BICD1: variants seen among roughly 807,000 people sequenced by gnomAD.
BICD1 encodes protein bicaudal D homolog 1.
In BICD1, 35 loss-of-function variants were observed where a neutral mutation model predicts 92.5. The observed-to-expected ratio is 0.38, with a 90% CI of 0.29 to 0.50. The LOEUF is 0.50. Ranked by LOEUF, BICD1 falls within the 20% of genes least tolerant of loss-of-function variation. The pLI is 0.93. For synonymous variants in BICD1, 429 were observed against 465.1 expected (o/e 0.92, Z 1.00); for missense variants, 950 against 1,189.8 (o/e 0.80, Z 2.97).
At chr12:32,124,651 G>C (rs1387929102) in intron 1 of BICD1, among the ~76,000 whole-genome samples, 1 of 152,192 alleles carries the variant, frequency 6.6e-6, no homozygotes, top group Admixed American at 6.6e-5. Flanking sequence ...GTAATCTCCT[G>C]ATCAGGCAAC....
At chr12:32,281,507 G>A (rs953932112) in intron 2 of BICD1, among the ~76,000 whole-genome samples, 1 of 152,072 alleles carries the variant, frequency 6.6e-6, no homozygotes, top group Non-Finnish European at 1.5e-5. Context: ...CTCATTAATT[G>A]TAACCAACCC....
chr12:32,204,533 G>A (rs34440002), intron 1 of BICD1, among the ~76,000 whole-genome samples: 50,089 of 151,892 alleles, frequency 0.33, 8,761 homozygotes, highest in Admixed American at 0.48. Context: ...GGAATCCTTA[G>A]ACACTGCTGG....
At position 32,214,166 on chromosome 12, in the gene BICD1, A is replaced by G. The variant is rs547005707; in HGVS notation, c.214-2081A>G. On this transcript the variant is annotated intron_variant, in intron 1 of 9. Coordinates refer to ENST00000652176, the MANE Select transcript of BICD1 (RefSeq NM_001714.4). ...TGTCTCCTTTTGACATATCCTCATT[A>G]TCTTTTAAATGCATGTTGTAACTCT... 2.0e-5 allele frequency among the ~76,000 whole-genome samples: 3 copies of G among 152,274 alleles called. No homozygotes were observed. The East Asian group carries it at 5.8e-4, about 29-fold the overall frequency.
rs531198793 is a variant in BICD1 at position 32,364,695 on chromosome 12, A to T, written c.2765-2975A>T. Among the ~76,000 whole-genome samples, 4 of 152,342 alleles carry T rather than the reference A, an allele frequency of 2.6e-5. No homozygotes were observed. In the East Asian group the frequency reaches 7.7e-4, roughly 29 times the overall value. ...GCTAGGAGCAGTGGCTCACACCTACAATCCCCACATCTTGGGAGGCCGAGG... is the reference window on the plus strand; with the variant it reads ...GCTAGGAGCAGTGGCTCACACCTACTATCCCCACATCTTGGGAGGCCGAGG... On this transcript the variant is annotated intron_variant, in intron 8 of 9. Coordinates refer to ENST00000652176, the MANE Select transcript of BICD1 (RefSeq NM_001714.4).
At chr12:32,369,403 C>T (rs1332197463) in intron 9 of BICD1, among the ~76,000 whole-genome samples, 1 of 152,264 alleles carries the variant, frequency 6.6e-6, no homozygotes, top group Non-Finnish European at 1.5e-5. Flanking sequence ...TGAGCAGGGG[C>T]AGGCCCAAAC....
At chr12:32,314,364 C>T (rs558912805) in intron 4 of BICD1, among the ~76,000 whole-genome samples, 42 of 35,706 alleles carry the variant, frequency 1.2e-3, no homozygotes, top group Middle Eastern at 0.011. Context: ...GAAAACAAAT[C>T]GAGTGTACCA....
At position 32,358,549 on chromosome 12, in the gene BICD1, C is replaced by T. The variant is rs564850533; in HGVS notation, c.2765-9121C>T. ...GTCAAGAGATGGAGACCATCCTGGC[C>T]AACATGGCGAAACCCCGTCTCTACT... On this transcript the variant is annotated intron_variant, in intron 8 of 9. Coordinates refer to ENST00000652176, the MANE Select transcript of BICD1 (RefSeq NM_001714.4). Among the ~76,000 whole-genome samples, 17 of 151,966 alleles carry T rather than the reference C, an allele frequency of 1.1e-4. No individual in the cohort carries two copies. The East Asian group carries it at 3.3e-3, about 30-fold the overall frequency.
rs900245426 is a variant in BICD1 at position 32,339,782 on chromosome 12, C to T, written c.2764+803C>T. 8 of 985,294 alleles carry T rather than the reference C, an allele frequency of 8.1e-6. No homozygotes were observed. In the Middle Eastern group the frequency reaches 1.6e-3, roughly 193 times the overall value. 61.0% of individuals were successfully genotyped at this position (985,294 alleles called of 1,614,324 possible). ...AAGCTTAAAGGCAGCTGTTATTTGA[C>T]TATTGCCAGAAAATAAAAAATAAAA... On this transcript the variant is annotated intron_variant, in intron 8 of 9. Transcript: ENST00000652176.
At chr12:32,296,743 C>T (rs989483830) in intron 3 of BICD1, among the ~76,000 whole-genome samples, 2 of 152,140 alleles carry the variant, frequency 1.3e-5, no homozygotes, top group South Asian at 2.1e-4. Flanking sequence ...CTTCCCTGAC[C>T]GCATGTGGAG....
chr12:32,120,890 AGAGAG>A (rs1260193310), intron 1 of BICD1, among the ~76,000 whole-genome samples: 47 of 46,668 alleles, frequency 1.0e-3, no homozygotes, highest in African/African-American at 3.3e-3. Flanking sequence ...AGAGAGAGAG[AGAGAG>A]AAAAAAAAAA....
At chr12:32,176,184 G>A (rs1000927587) in intron 1 of BICD1, among the ~76,000 whole-genome samples, 2 of 152,182 alleles carry the variant, frequency 1.3e-5, no homozygotes, top group Non-Finnish European at 2.9e-5. Flanking sequence ...TAATGCTCCA[G>A]TGAACTTCAC....
intron 2 of BICD1, among the ~76,000 whole-genome samples, chr12:32,237,822 A>G (rs1309262255): frequency 1.3e-5 from 2 of 152,236 alleles, no homozygotes; most frequent in Non-Finnish European, 2.9e-5. Flanking sequence ...CTCTGAAAGT[A>G]TAAGGAGATG....
chr12:32,369,441 T>C (rs550301674), intron 9 of BICD1, among the ~76,000 whole-genome samples: 20 of 152,266 alleles, frequency 1.3e-4, no homozygotes, highest in Non-Finnish European at 2.9e-4. Context: ...GAGGAGTAGA[T>C]GTCAGTAGCA....
intron 2 of BICD1, among the ~76,000 whole-genome samples, chr12:32,237,649 C>T (rs559470199): frequency 6.6e-6 from 1 of 152,272 alleles, no homozygotes; most frequent in Non-Finnish European, 1.5e-5. Context: ...ATGTACTCTA[C>T]TTGTACTCTA....
rs531182759 is a variant in BICD1 at position 32,367,100 on chromosome 12, A to G, written c.2765-570A>G. 2.6e-5 allele frequency among the ~76,000 whole-genome samples: 4 copies of G among 152,356 alleles called. No homozygotes were observed. The South Asian group carries it at 8.3e-4, about 32-fold the overall frequency. On this transcript the variant is annotated intron_variant, in intron 8 of 9. Coordinates refer to ENST00000652176, the MANE Select transcript of BICD1 (RefSeq NM_001714.4). ...TAGACATTCTAAGATTTCTGCCAAC[A>G]ATTCTATTGTCAATATATAAAATCA... is the stretch of plus-strand genomic sequence containing the variant.
intron 1 of BICD1, among the ~76,000 whole-genome samples, chr12:32,204,627 G>T (rs761182402): frequency 3.3e-5 from 5 of 152,104 alleles, no homozygotes; most frequent in African/African-American, 9.7e-5. Flanking sequence ...CCACAACACT[G>T]CCCACACTCC....
intron 1 of BICD1, among the ~76,000 whole-genome samples, chr12:32,165,098 G>A (rs7967654): frequency 0.31 from 47,208 of 152,016 alleles, 7,669 homozygotes; most frequent in Admixed American, 0.37. Flanking sequence ...GTTCACATGA[G>A]AGCTCAGAGG....
intron 1 of BICD1, among the ~76,000 whole-genome samples, chr12:32,213,608 C>G (rs1048900731): frequency 5.3e-5 from 8 of 152,150 alleles, no homozygotes; most frequent in Admixed American, 4.6e-4. Context: ...GTTGGCCAGG[C>G]TGGTCTTGAA....
chr12:32,223,861 G>T (rs774129616), intron 2 of BICD1, among the ~76,000 whole-genome samples: 1 of 152,156 alleles, frequency 6.6e-6, no homozygotes, highest in South Asian at 2.1e-4. Flanking sequence ...GAATAGGAAG[G>T]CCCAAGGAGA....
Sources: gnomAD v4.1 joint callset for allele counts (sites outside exome capture counted in the v4.1 genomes callset) on GRCh38, gnomAD v4.1.1 for gene constraint, MANE v1.5 for transcripts, NCBI Gene and HGNC (gene_info 2026-07-23, HGNC 2026-07-21) for gene names.